Variants in MIA2 observed in about 807,000 individuals in gnomAD.
MIA2 encodes the protein melanoma inhibitory activity protein 2.
MIA2 carries 127 observed loss-of-function variants against 167.8 expected under a neutral mutation model. That is an observed-to-expected ratio of 0.76 (90% CI 0.66 to 0.88). MIA2 has a LOEUF of 0.88. Ranked by LOEUF, MIA2 falls within the 40% of genes least tolerant of loss-of-function variation. MIA2 has a pLI of 0.00. For synonymous variants in MIA2, 552 were observed against 541.9 expected (o/e 1.02, Z -0.26); for missense variants, 1,690 against 1,624.7 (o/e 1.04, Z -0.69).
At chr14:39,311,466 C>CTTT (rs35478238) in intron 18 of MIA2, among the ~76,000 whole-genome samples, 2 of 43,322 alleles carry the variant, frequency 4.6e-5, no homozygotes, top group African/African-American at 9.3e-5. Flanking sequence ...TGATGTGTTG[C>CTTT]TTTTTTTTTT....
At chr14:39,237,167 C>A in intron 2 of MIA2, 112 bp downstream of exon 2, 1 of 1,214,362 alleles carries the variant, frequency 8.2e-7, no homozygotes, top group Non-Finnish European at 1.2e-6. Flanking sequence ...GTCGCCCAGG[C>A]TGGAATGCAG....
chr14:39,305,661 C>T (rs1297769653), intron 17 of MIA2, among the ~76,000 whole-genome samples: 1 of 152,202 alleles, frequency 6.6e-6, no homozygotes. Context: ...TATGGCCAGG[C>T]GCGGCGGCTC....
chr14:39,254,746 A>T (rs138994664), intron 6 of MIA2, among the ~76,000 whole-genome samples: 109 of 152,334 alleles, frequency 7.2e-4, no homozygotes, highest in African/African-American at 2.5e-3. Context: ...AAATATTCAG[A>T]GTAAAATAAA....
chr14:39,288,709 C>T (rs1233936562), intron 9 of MIA2, among the ~76,000 whole-genome samples: 4 of 151,332 alleles, frequency 2.6e-5, no homozygotes, highest in African/African-American at 9.7e-5. Flanking sequence ...GATCTGTCCG[C>T]CTCGGCCTCC....
intron 27 of MIA2, 113 bp from the exon 28 acceptor site, chr14:39,348,630 A>G (rs997660360): frequency 7.0e-7 from 1 of 1,432,442 alleles, no homozygotes; most frequent in African/African-American, 1.4e-5. Context: ...AGAGCTTTCT[A>G]AGACTATCAT....
chr14:39,288,623 T>C (rs1038992233), intron 9 of MIA2, among the ~76,000 whole-genome samples: 1 of 150,898 alleles, frequency 6.6e-6, no homozygotes, highest in Non-Finnish European at 1.5e-5. Context: ...TACAGGTGCC[T>C]GGCTAATTTT....
In MIA2 at chr14:39,247,880, G is replaced by A. The variant is rs1240597955; in HGVS notation, c.1306G>A (p.Glu436Lys). 6.3e-7 allele frequency: 1 copy of A among 1,589,164 alleles called. No homozygotes were observed. The highest frequency in any genetic ancestry group is 1.9e-5 in the Admixed American group (1 of 52,366). Residue 436 changes from glutamate (E) to lysine (K), a missense_variant, in exon 4 of 29, where the codon GAA (glutamate) becomes AAA (lysine). By Grantham distance (56) the Glu-to-Lys change is moderately conservative. Coordinates refer to ENST00000640607, the MANE Select transcript of MIA2 (RefSeq NM_001329214.4). ...AGAAACGATAAAAATTATAGAAACA[G>A]AAGATCAAATAGACAAGAAACCAGT... is the stretch of plus-strand genomic sequence containing the variant. ...EIETIKIIET[E>K]DQIDKKPVSE... is the part of the protein sequence containing the mutation.
At chr14:39,282,515 T>C (rs183636565) in intron 9 of MIA2, among the ~76,000 whole-genome samples, 91 of 152,248 alleles carry the variant, frequency 6.0e-4, no homozygotes, top group African/African-American at 2.0e-3. Flanking sequence ...TGCAGTACAC[T>C]ATTATTAACT....
At chr14:39,263,558 T>TTTTCC (rs140402905) in intron 6 of MIA2, among the ~76,000 whole-genome samples, 139 of 147,038 alleles carry the variant, frequency 9.5e-4, no homozygotes, top group African/African-American at 3.0e-3. Context: ...TTCTTTCTTC[T>TTTTCC]TTTCCTTTCC....
chr14:39,288,468 TATATA>T (rs1383382568), intron 9 of MIA2, among the ~76,000 whole-genome samples: 30 of 44,172 alleles, frequency 6.8e-4, no homozygotes, highest in African/African-American at 2.3e-3. Context: ...TATATATATA[TATATA>T]TATTTTTTTT....
chr14:39,277,151 G>A, intron 7 of MIA2, 86 bp downstream of exon 7: 1 of 1,490,288 alleles, frequency 6.7e-7, no homozygotes, highest in Non-Finnish European at 9.0e-7. Context: ...GTTATTTTAA[G>A]TAAACAAGTT....
intron 17 of MIA2, among the ~76,000 whole-genome samples, chr14:39,307,832 C>T (rs148868366): frequency 1.3e-5 from 2 of 152,016 alleles, no homozygotes; most frequent in East Asian, 3.9e-4. Flanking sequence ...GTGAAATAAG[C>T]CACACGAGAA....
chr14:39,356,548 A>T (rs1036346155), intron 23 of MIA2, among the ~76,000 whole-genome samples: 2 of 151,864 alleles, frequency 1.3e-5, no homozygotes, highest in Admixed American at 1.3e-4. Flanking sequence ...TTGTGTCTCT[A>T]TCTCCTTCAG....
In MIA2 at chr14:39,237,027, G is replaced by A. The variant is rs958698829; in HGVS notation, c.221G>A (p.Gly74Glu). 6.2e-7 allele frequency: 1 copy of A among 1,614,036 alleles called. No homozygotes were observed. Among genetic ancestry groups the A allele is most frequent in the African/African-American group, 1.3e-5 (1 of 75,064 alleles). The change falls in exon 2 of 29, where the codon GGA (glycine) becomes GAA (glutamate). Residue 74 changes from glycine (G) to glutamate (E), a missense_variant. By Grantham distance (98) the Gly-to-Glu change is moderately conservative. Transcript: ENST00000640607. The stretch of plus-strand genomic sequence containing the variant: ...ATATCTGTTTATGTTAAACTTGCAG[G>A]AGAAAGGGAAGATTTGTGGGCAGGA... ...EEISVYVKLA[G>E]EREDLWAGSK...
chr14:39,348,088 C>T (rs745786486), intron 27 of MIA2, among the ~76,000 whole-genome samples: 1 of 152,184 alleles, frequency 6.6e-6, no homozygotes, highest in Non-Finnish European at 1.5e-5. Flanking sequence ...GCTGGTATTA[C>T]AGGTGTGAGC....
At chr14:39,308,610 C>T (rs1206603143) in intron 18 of MIA2, 23 bp downstream of exon 18, 2 of 1,496,902 alleles carry the variant, frequency 1.3e-6, no homozygotes, top group Admixed American at 2.2e-5. Context: ...ATGTTAACTC[C>T]ATTGAACAGC....
At chr14:39,347,123 T>C (rs1002471452) in intron 26 of MIA2, among the ~76,000 whole-genome samples, 2 of 151,968 alleles carry the variant, frequency 1.3e-5, no homozygotes, top group Non-Finnish European at 2.9e-5. Context: ...TCATGGACTT[T>C]GGAGTCTAGT....
At chr14:39,266,081 G>A in intron 6 of MIA2, 1 of 985,398 alleles carries the variant, frequency 1.0e-6, no homozygotes, top group Non-Finnish European at 1.2e-6. Context: ...ATAACAGTTC[G>A]TTGCTACAAG....
intron 9 of MIA2, among the ~76,000 whole-genome samples, chr14:39,281,641 G>T (rs1483857152): frequency 6.9e-6 from 1 of 145,362 alleles, no homozygotes; most frequent in African/African-American, 2.5e-5. Flanking sequence ...TTTTGGAGAC[G>T]GAGTTTCCCC....
Sources: gnomAD v4.1 joint callset for allele counts (sites outside exome capture counted in the v4.1 genomes callset) on GRCh38, gnomAD v4.1.1 for gene constraint, MANE v1.5 for transcripts, NCBI Gene and HGNC (gene_info 2026-07-23, HGNC 2026-07-21) for gene names.